The following CIMAP2 variants were observed in gnomAD, a reference collection of about 807,000 sequenced individuals.
CIMAP2 encodes ciliary microtubule associated protein 2.
chr1:54,842,223 G>A, the CIMAP2 span: 32 of 331,040 alleles, frequency 9.7e-5, no homozygotes, highest in African/African-American at 6.7e-4. Context: ...AGAGTGCTTG[G>A]CTCCTTGTTT....
chr1:54,810,892 T>C, the CIMAP2 span, among the ~76,000 whole-genome samples: 7 of 152,146 alleles, frequency 4.6e-5, no homozygotes, highest in African/African-American at 1.7e-4. Context: ...CCTGTGAGCC[T>C]CCACTACTGC....
At chr1:54,807,156 G>A in the CIMAP2 span, 5 of 1,456,218 alleles carry the variant, frequency 3.4e-6, no homozygotes, top group African/African-American at 7.0e-5. Flanking sequence ...CTGCTGTGGT[G>A]GATGAGCTGA....
chr1:54,806,646 T>G, the CIMAP2 span, among the ~76,000 whole-genome samples: 1 of 132,984 alleles, frequency 7.5e-6, no homozygotes, highest in Non-Finnish European at 1.5e-5. Context: ...TTCTAGGATC[T>G]GGGGCTACAG....
chr1:54,811,154 G>A, the CIMAP2 span, among the ~76,000 whole-genome samples: 3 of 152,342 alleles, frequency 2.0e-5, no homozygotes, highest in East Asian at 5.8e-4. Context: ...AAGGCCTGAG[G>A]TCACTCAGCT....
the CIMAP2 span, among the ~76,000 whole-genome samples, chr1:54,835,889 G>A: frequency 6.6e-6 from 1 of 152,116 alleles, no homozygotes; most frequent in African/African-American, 2.4e-5. Flanking sequence ...GAAGATGAGA[G>A]CAGAAGGGAA....
the CIMAP2 span, among the ~76,000 whole-genome samples, chr1:54,828,343 G>C: frequency 1.3e-5 from 2 of 152,036 alleles, no homozygotes; most frequent in Admixed American, 6.6e-5. Flanking sequence ...TTTTAGACAG[G>C]GTCTTGCTCT....
chr1:54,841,870 T>C, the CIMAP2 span: 2 of 1,551,738 alleles, frequency 1.3e-6, no homozygotes. Flanking sequence ...ATCCTACTCC[T>C]TAAAGCCACA....
the CIMAP2 span, chr1:54,812,093 G>A: frequency 1.9e-6 from 3 of 1,614,164 alleles, no homozygotes; most frequent in Non-Finnish European, 8.5e-7. Flanking sequence ...GCGACCTTGA[G>A]ACATATGTGG....
At chr1:54,829,164 A>T in the CIMAP2 span, among the ~76,000 whole-genome samples, 1 of 152,242 alleles carries the variant, frequency 6.6e-6, no homozygotes, top group Non-Finnish European at 1.5e-5. Context: ...TTGTTTTATA[A>T]TCAGAAAAAT....
At chr1:54,811,773 GCCCCCA>G in the CIMAP2 span, 5 of 1,324,740 alleles carry the variant, frequency 3.8e-6, no homozygotes, top group Non-Finnish European at 4.1e-6. Context: ...CAGCCTCCAT[GCCCCCA>G]CCCCCGCCCC....
At chr1:54,811,765 G>GCGGGGGGGGGGGGC in the CIMAP2 span, 5 of 1,301,330 alleles carry the variant, frequency 3.8e-6, no homozygotes, top group Non-Finnish European at 5.4e-6. Flanking sequence ...GGTTCTGACA[G>GCGGGGGGGGGGGGC]CCTCCATGCC....
chr1:54,806,484 T>C, the CIMAP2 span, among the ~76,000 whole-genome samples: 1 of 152,290 alleles, frequency 6.6e-6, no homozygotes, highest in East Asian at 1.9e-4. Context: ...ACTTACTATG[T>C]GCCAGGTTTA....
chr1:54,811,766 C>CCGGGGGGGGGGGGGGGGGG, the CIMAP2 span: 5 of 1,305,186 alleles, frequency 3.8e-6, no homozygotes, highest in East Asian at 2.5e-5. Context: ...GTTCTGACAG[C>CCGGGGGGGGGGGGGGGGGG]CTCCATGCCC....
the CIMAP2 span, among the ~76,000 whole-genome samples, chr1:54,827,749 C>T: frequency 6.6e-5 from 10 of 152,324 alleles, no homozygotes; most frequent in East Asian, 1.9e-3. Flanking sequence ...TTCCTTTTCC[C>T]TTAGCAGCTG....
At chr1:54,827,565 C>A in the CIMAP2 span, among the ~76,000 whole-genome samples, 2 of 152,184 alleles carry the variant, frequency 1.3e-5, no homozygotes, top group South Asian at 4.1e-4. Flanking sequence ...TCCATGTCTG[C>A]CACTTAGCTG....
At chr1:54,811,284 G>A in the CIMAP2 span, among the ~76,000 whole-genome samples, 1 of 152,186 alleles carries the variant, frequency 6.6e-6, no homozygotes, top group Non-Finnish European at 1.5e-5. Flanking sequence ...GGGTGTAAAG[G>A]TTGGAATTGC....
At chr1:54,810,247 T>G in the CIMAP2 span, among the ~76,000 whole-genome samples, 2 of 152,104 alleles carry the variant, frequency 1.3e-5, no homozygotes, top group Non-Finnish European at 2.9e-5. Flanking sequence ...TCAGAAAGGT[T>G]GTGGATTTTG....
the CIMAP2 span, chr1:54,816,999 G>A: frequency 1.9e-6 from 3 of 1,614,168 alleles, no homozygotes; most frequent in South Asian, 3.3e-5. Flanking sequence ...AACCCAGTAG[G>A]TGTGGGCCGC....
chr1:54,807,573 CAAG>C, the CIMAP2 span: 2 of 1,601,884 alleles, frequency 1.2e-6, no homozygotes, highest in Non-Finnish European at 1.7e-6. Flanking sequence ...CCTGCTTCAG[CAAG>C]AAGAAGCTGA....
Sources: gnomAD v4.1 joint callset for allele counts (sites outside exome capture counted in the v4.1 genomes callset) on GRCh38, gnomAD v4.1.1 for gene constraint, MANE v1.5 for transcripts, NCBI Gene and HGNC (gene_info 2026-07-23, HGNC 2026-07-21) for gene names.